The following ABCG1 variants were observed in gnomAD, a reference collection of about 807,000 sequenced individuals.
The protein encoded by ABCG1 is ATP binding cassette subfamily G member 1, also known as ATP-binding cassette sub-family G member 1.
In ABCG1, 29 loss-of-function variants were observed where a neutral mutation model predicts 69.2. That is an observed-to-expected ratio of 0.42 (90% CI 0.31 to 0.57). The LOEUF is 0.57. Among genes scored for constraint, ABCG1 ranks in the 20% least tolerant of loss-of-function variants. The pLI is 0.15. For synonymous variants in ABCG1, 370 were observed against 374.8 expected, an observed-to-expected ratio of 0.99 and a Z score of 0.15; for missense variants, 718 against 898.1, an observed-to-expected ratio of 0.80 and a Z score of 2.56.
chr21:42,224,821 A>G (rs551553882), intron 1 of ABCG1, among the ~76,000 whole-genome samples: 2 of 152,286 alleles, frequency 1.3e-5, no homozygotes, highest in South Asian at 4.1e-4. Context: ...CTTTCTTTGC[A>G]TAGGTACTTC....
At chr21:42,240,970 G>T (rs1252647642) in intron 2 of ABCG1, among the ~76,000 whole-genome samples, 1 of 152,282 alleles carries the variant, frequency 6.6e-6, no homozygotes, top group Non-Finnish European at 1.5e-5. Context: ...GAGGGCACAG[G>T]TGGGGAGTTA....
At chr21:42,228,909 A>G (rs1305314035) in intron 2 of ABCG1, among the ~76,000 whole-genome samples, 1 of 152,258 alleles carries the variant, frequency 6.6e-6, no homozygotes, top group African/African-American at 2.4e-5. Context: ...AAGCCAGGAC[A>G]ATCAATAACA....
At chr21:42,210,733 C>T (rs2067580502) in intron 2 of ABCG1, among the ~76,000 whole-genome samples, 2 of 127,968 alleles carry the variant, frequency 1.6e-5, no homozygotes, top group Non-Finnish European at 3.2e-5. Flanking sequence ...CCACCCTGCA[C>T]CTCCCTGCCT....
chr21:42,287,829 T>G lies in ABCG1; in HGVS notation c.974-60T>G. 1.3e-6 allele frequency: 2 copies of G among 1,483,444 alleles called. No homozygotes were observed. The highest frequency in any genetic ancestry group is 1.8e-6 in the Non-Finnish European group (2 of 1,106,792). The allele number at this position is 1,483,444 out of a possible 1,614,324, so 91.9% of individuals were successfully genotyped here. ...CCCACTTGAATAACGACTTTCGCAT[T>G]TGGGTGGTTGGGGTGTCCTTCCTGG... On this transcript the variant is annotated intron_variant, in intron 8 of 14. Transcript: ENST00000398449. This position sits in a 1 kb window ranked among gnomAD's most constrained non-coding sequence, Gnocchi z 6.2.
chr21:42,261,384 G>A (rs373090908), intron 2 of ABCG1, among the ~76,000 whole-genome samples: 1 of 152,312 alleles, frequency 6.6e-6, no homozygotes, highest in East Asian at 1.9e-4. Context: ...GGGAGCGGCC[G>A]GTGGGAACAG....
Position 42,219,849 on chromosome 21 carries a change from C to A in ABCG1, c.42+545C>A. The A allele has an allele frequency of 2.0e-6, 3 of 1,510,936 alleles. No individual in the cohort carries two copies. In the South Asian group the frequency reaches 3.8e-5, roughly 19 times the overall value. The allele number at this position is 1,510,936 out of a possible 1,614,324, so 93.6% of individuals were successfully genotyped here. A position where few individuals can be genotyped will look rare whatever the true frequency, so the allele number is the denominator to read the frequency against. The stretch of plus-strand genomic sequence containing the variant: ...CTGCGACTGCACTCCCGGGGACACC[C>A]TCTCCCGGACCCACTCGGGGAGGCG... On this transcript the variant is annotated intron_variant, in intron 1 of 14. Transcript: ENST00000398449. This position sits in a 1 kb window ranked among gnomAD's most constrained non-coding sequence, Gnocchi z 5.3.
chr21:42,224,531 C>G (rs562607981), intron 1 of ABCG1, among the ~76,000 whole-genome samples: 66 of 152,336 alleles, frequency 4.3e-4, no homozygotes, highest in African/African-American at 1.4e-3. Flanking sequence ...ACCAGCAGAC[C>G]AAGCTCAGCT....
At chr21:42,214,444 G>A (rs1181859583), upstream of ABCG1, among the ~76,000 whole-genome samples, 3 of 152,242 alleles carry the variant, frequency 2.0e-5, no homozygotes, top group Non-Finnish European at 2.9e-5. Context: ...AATAGACTAA[G>A]ACACACGTAC....
Position 42,282,271 on chromosome 21 carries a change from C to T in ABCG1, c.589-3C>T, listed in dbSNP as rs1199545028. The T allele has an allele frequency of 6.2e-7, 1 of 1,610,588 alleles. No individual in the cohort carries two copies. Among genetic ancestry groups the T allele is most frequent in the Non-Finnish European group, 8.5e-7 (1 of 1,179,232 alleles). On this transcript the variant is annotated splice_polypyrimidine_tract_variant and splice_region_variant and intron_variant, in intron 5 of 14. Transcript: ENST00000398449. ...CCAATGTCTCTCGTTCTGTTGCCCC[C>T]AGGTCAAGGAGATACTGACAGCGCT... is the stretch of plus-strand genomic sequence containing the variant.
intron 8 of ABCG1, among the ~76,000 whole-genome samples, chr21:42,286,655 G>A (rs1008874650): frequency 1.3e-5 from 2 of 152,194 alleles, no homozygotes; most frequent in Non-Finnish European, 2.9e-5. Flanking sequence ...GATCAGTAAC[G>A]GGTCACTAAC....
chr21:42,268,602 A>G, intron 2 of ABCG1, among the ~76,000 whole-genome samples: 1 of 151,950 alleles, frequency 6.6e-6, no homozygotes, highest in Admixed American at 6.6e-5. Flanking sequence ...GTCTTTTTTT[A>G]AAAAAAAGAA....
rs954514848 is a variant in ABCG1, at chr21:42,276,748, G to A, written c.538-147G>A. ...GTGGCTAGCGGCATTGTGGCTAGCT[G>A]CACTGTGGGTAGCTGCACCGTGGCT... On this transcript the variant is annotated intron_variant, in intron 4 of 14. Transcript: ENST00000398449. The surrounding 1 kb of genome is among the most constrained non-coding windows in gnomAD (Gnocchi z 5.3). 1.3e-6 allele frequency: 1 copy of A among 754,678 alleles called. No homozygotes were observed. The highest frequency in any genetic ancestry group is 2.3e-6 in the Non-Finnish European group (1 of 443,200). The allele number at this position is 754,678 out of a possible 1,614,324, so 46.7% of individuals were successfully genotyped here. A position where few individuals can be genotyped will look rare whatever the true frequency, so the allele number is the denominator to read the frequency against.
At chr21:42,217,775 T>A (rs1439616985), upstream of ABCG1, among the ~76,000 whole-genome samples, 1 of 131,210 alleles carries the variant, frequency 7.6e-6, no homozygotes, top group Non-Finnish European at 1.6e-5. Context: ...CACTGCAAGC[T>A]CCGCCTCCCA....
chr21:42,225,954 G>T, intron 2 of ABCG1, 40 bp downstream of exon 2: 3 of 1,595,958 alleles, frequency 1.9e-6, no homozygotes, highest in South Asian at 2.2e-5. Flanking sequence ...GCTGGGAGGA[G>T]CCTCTGAAGG....
chr21:42,240,482 G>T (rs113561337), intron 2 of ABCG1, among the ~76,000 whole-genome samples: 2,052 of 152,334 alleles, frequency 0.013, 44 homozygotes, highest in African/African-American at 0.047. Flanking sequence ...ATGGAGTCTC[G>T]CTTTGTCACC....
At chr21:42,261,973 G>A (rs77155084) in intron 2 of ABCG1, among the ~76,000 whole-genome samples, 3,864 of 152,190 alleles carry the variant, frequency 0.025, 165 homozygotes, top group African/African-American at 0.087. Context: ...CCCAATGACC[G>A]ATCTTCCCCA....
At chr21:42,218,321 T>C (rs1318505539), upstream of ABCG1, among the ~76,000 whole-genome samples, 1 of 152,182 alleles carries the variant, frequency 6.6e-6, no homozygotes, top group African/African-American at 2.4e-5. Context: ...TACCAGGAAA[T>C]GGCCCCACTT....
intron 3 of ABCG1, among the ~76,000 whole-genome samples, chr21:42,271,931 T>C (rs28686779): frequency 0.059 from 9,009 of 152,202 alleles, 914 homozygotes; most frequent in African/African-American, 0.2. Flanking sequence ...AACAAAGAAG[T>C]TTGGCGACCA....
At chr21:42,235,047 T>C (rs1252475812) in intron 2 of ABCG1, among the ~76,000 whole-genome samples, 1 of 152,062 alleles carries the variant, frequency 6.6e-6, no homozygotes, top group African/African-American at 2.4e-5. Flanking sequence ...GGCGGCCCTA[T>C]GCATAGGGGA....
Sources: gnomAD v4.1 joint callset for allele counts (sites outside exome capture counted in the v4.1 genomes callset) on GRCh38, gnomAD v4.1.1 for gene constraint, Gnocchi (gnomAD v3.1) non-coding constraint, MANE v1.5 for transcripts, NCBI Gene and HGNC (gene_info 2026-07-23, HGNC 2026-07-21) for gene names.